The following SVEP1 variants were observed in gnomAD, a reference collection of about 807,000 sequenced individuals.
SVEP1 encodes the protein sushi, von Willebrand factor type A, EGF and pentraxin domain-containing protein 1.
In SVEP1, 164 loss-of-function variants were observed where a neutral mutation model predicts 367.3. That is an observed-to-expected ratio of 0.45 (90% CI 0.39 to 0.51). The LOEUF (loss-of-function observed/expected upper bound fraction) is 0.51. SVEP1 is among the 20% of genes least tolerant of loss of function. The probability of loss-of-function intolerance (pLI) is 0.00; values close to 1 mark genes in which losing one functional copy is unlikely to be tolerated. For synonymous variants in SVEP1, 1,666 were observed against 1,611.6 expected, an observed-to-expected ratio of 1.03 and a Z score of -0.81; for missense variants, 4,117 against 4,425.3, an observed-to-expected ratio of 0.93 and a Z score of 1.98.
chr9:110,384,334 G>A (rs1046789897), intron 43 of SVEP1, among the ~76,000 whole-genome samples: 4 of 151,942 alleles, frequency 2.6e-5, no homozygotes, highest in South Asian at 2.1e-4. Flanking sequence ...GCTTTTTCTC[G>A]CTTTCTGTGG....
chr9:110,394,686 C>G (rs144639631), intron 40 of SVEP1, among the ~76,000 whole-genome samples: 2 of 152,112 alleles, frequency 1.3e-5, no homozygotes, highest in African/African-American at 4.8e-5. Context: ...AACCAAGGCA[C>G]GAGAACTACG....
In SVEP1 at chr9:110,549,983, A is replaced by C; in HGVS notation, c.653T>G (p.Ile218Ser). ...AASLRDSGVE[I>S]FTFGIWQGNI... ...CCCTTGCCATATGCCAAAAGTGAAGATCTCCACTCCTGAATCTCGCAGTGA... is the reference window on the plus strand; with the variant it reads ...CCCTTGCCATATGCCAAAAGTGAAGCTCTCCACTCCTGAATCTCGCAGTGA... Residue 218 changes from isoleucine to serine, a missense_variant, in exon 2 of 48, where the codon ATC becomes AGC. Around this residue, in one of 4 missense-constraint regions of SVEP1, gnomAD observed 2,174 missense variants for 2,494.3 expected, o/e 0.87. Transcript: ENST00000374469. 1 of 1,614,018 alleles carries C rather than the reference A, an allele frequency of 6.2e-7. No individual in the cohort carries two copies. Among genetic ancestry groups the C allele is most frequent in the Non-Finnish European group, 8.5e-7 (1 of 1,179,902 alleles).
intron 1 of SVEP1, among the ~76,000 whole-genome samples, chr9:110,552,661 A>T (rs973766996): frequency 6.6e-6 from 1 of 151,940 alleles, no homozygotes; most frequent in Admixed American, 6.6e-5. Flanking sequence ...TCACGCTCCT[A>T]TGAGAATCTA....
chr9:110,513,932 A>G lies in SVEP1; in HGVS notation c.1123+16T>C. ...CAGCTTTTATATTTCCCATTTTCCA[A>G]CAGTGGGAGACTCACGTTCACAGGT... On this transcript the variant is annotated intron_variant, in intron 4 of 47. Coordinates refer to ENST00000374469, the MANE Select transcript of SVEP1 (RefSeq NM_153366.4). 6.2e-7 allele frequency: 1 copy of G among 1,602,838 alleles called. No homozygotes were observed. Among genetic ancestry groups the G allele is most frequent in the South Asian group, 1.1e-5 (1 of 89,570 alleles).
At chr9:110,459,798 T>C (rs182288393) in intron 18 of SVEP1, among the ~76,000 whole-genome samples, 1 of 152,152 alleles carries the variant, frequency 6.6e-6, no homozygotes, top group Non-Finnish European at 1.5e-5. Flanking sequence ...TTTTTTCCAA[T>C]TTGAGGGTGA....
In SVEP1 at chr9:110,455,666, T is replaced by A; in HGVS notation, c.3711A>T (p.Pro1237=). Residue 1237 remains proline (P), a synonymous_variant, in exon 22 of 48, where the codon CCA becomes CCT. Coordinates refer to ENST00000374469, the MANE Select transcript of SVEP1 (RefSeq NM_153366.4). Reference sequence around the variant, plus strand: ...AAACTCCATTGTTGAGGCAAGGCAGTGGGCTGCACTCATCGATGTCTGTTT... The same window carrying A: ...AAACTCCATTGTTGAGGCAAGGCAGAGGGCTGCACTCATCGATGTCTGTTT... ...KCETDIDECS[P]LPCLNNGVCK... 2 of 1,612,836 alleles carry A rather than the reference T, an allele frequency of 1.2e-6. No homozygotes were observed. The highest frequency in any genetic ancestry group is 2.2e-5 in the South Asian group (2 of 90,744).
intron 17 of SVEP1, 150 bp downstream of exon 17, chr9:110,468,790 T>C: frequency 2.9e-6 from 2 of 687,030 alleles, no homozygotes; most frequent in Non-Finnish European, 4.5e-6. Context: ...ATTGAATAAA[T>C]GTGTATGCTT....
intron 27 of SVEP1, among the ~76,000 whole-genome samples, chr9:110,441,893 T>A (rs1828514598): frequency 6.6e-6 from 1 of 152,206 alleles, no homozygotes; most frequent in African/African-American, 2.4e-5. Context: ...CTTCAGTAAC[T>A]CCCTATTGAT....
At chr9:110,426,344 A>G (rs993293090) in intron 36 of SVEP1, among the ~76,000 whole-genome samples, 12 of 152,202 alleles carry the variant, frequency 7.9e-5, no homozygotes, top group African/African-American at 2.7e-4. Context: ...TGCACCAATC[A>G]TCATAATAAT....
Position 110,482,481 on chromosome 9 carries a change from C to T in SVEP1, c.2050G>A (p.Val684Ile). Reference protein sequence around the residue: ...QFSDNSGAELVITRSHTQGDL... With the variant: ...QFSDNSGAELIITRSHTQGDL... ...CCTTGTGTATGACTTCTGGTAATGA[C>T]CAATTCAGCCCCTGGAAAGGAAAGA... is the stretch of plus-strand genomic sequence containing the variant. Residue 684 changes from valine to isoleucine, a missense_variant, in exon 11 of 48, where the codon GTC becomes ATC. Coordinates refer to ENST00000374469, the MANE Select transcript of SVEP1 (RefSeq NM_153366.4). The T allele has an allele frequency of 1.9e-6, 3 of 1,570,126 alleles. No homozygotes were observed. Among genetic ancestry groups the T allele is most frequent in the South Asian group, 2.3e-5 (2 of 85,932 alleles).
At chr9:110,430,597 A>C in intron 32 of SVEP1, 147 bp from the exon 33 acceptor site, 1 of 738,488 alleles carries the variant, frequency 1.4e-6, no homozygotes, top group Non-Finnish European at 2.2e-6. Context: ...GGGCCCAGAG[A>C]CACATTGGAC....
At chr9:110,374,426 G>A (rs1827319931) in intron 46 of SVEP1, among the ~76,000 whole-genome samples, 1 of 152,162 alleles carries the variant, frequency 6.6e-6, no homozygotes, top group Non-Finnish European at 1.5e-5. Context: ...AAGGTGGGTG[G>A]ATCACTTGAG....
chr9:110,386,791 A>G (rs1827530834), intron 42 of SVEP1, among the ~76,000 whole-genome samples: 1 of 152,240 alleles, frequency 6.6e-6, no homozygotes, highest in African/African-American at 2.4e-5. Context: ...TTACTACATT[A>G]TGATGATACT....
Position 110,389,534 on chromosome 9 carries a change from T to A in SVEP1, c.9876A>T (p.Ala3292=), listed in dbSNP as rs1482255266. Residue 3292 remains alanine (A), a synonymous_variant, in exon 41 of 48, where the codon GCA becomes GCT. Transcript: ENST00000374469. ...TGTCATTCAACTCACCTTTGCATAT[T>A]GCCACCCCTCCACTCCACTGTCTGT... ...QENRQWSGGV[A]ICKETRCETP... 2.1e-5 allele frequency: 34 copies of A among 1,613,668 alleles called. No individual in the cohort carries two copies. Among genetic ancestry groups the A allele is most frequent in the Non-Finnish European group, 2.8e-5 (33 of 1,179,804 alleles).
intron 3 of SVEP1, among the ~76,000 whole-genome samples, chr9:110,535,067 G>A (rs57940300): frequency 0.016 from 2,478 of 152,074 alleles, 69 homozygotes; most frequent in African/African-American, 0.054. Flanking sequence ...AATTGCTTTT[G>A]GTGTCTTGTC....
At chr9:110,384,902 GTTAA>G (rs1246992690) in intron 43 of SVEP1, among the ~76,000 whole-genome samples, 1 of 152,200 alleles carries the variant, frequency 6.6e-6, no homozygotes, top group Non-Finnish European at 1.5e-5. Flanking sequence ...CAATGAATAT[GTTAA>G]TTGATTACTG....
chr9:110,558,951 T>A (rs1181568766), intron 1 of SVEP1, among the ~76,000 whole-genome samples: 2 of 152,038 alleles, frequency 1.3e-5, no homozygotes, highest in Non-Finnish European at 2.9e-5. Context: ...ATTACCCCAA[T>A]TAAAAGGAAG....
At chr9:110,533,804 A>C (rs756069691) in intron 3 of SVEP1, among the ~76,000 whole-genome samples, 9 of 152,230 alleles carry the variant, frequency 5.9e-5, no homozygotes, top group Non-Finnish European at 1.2e-4. Flanking sequence ...TTTAGTGAAC[A>C]ATAACCCCAT....
Position 110,561,169 on chromosome 9 carries a change from G to A in SVEP1, c.532-11065C>T, listed in dbSNP as rs187643193. On this transcript the variant is annotated intron_variant, in intron 1 of 47. Coordinates refer to ENST00000374469, the MANE Select transcript of SVEP1 (RefSeq NM_153366.4). ...TTGGAGGTTCTGAAATACACCATGC[G>A]TTCTTGATGTTTGCTCTGCTTGGAA... 2.3e-3 allele frequency among the ~76,000 whole-genome samples: 349 copies of A among 152,136 alleles called. 1 individual carries two copies. Among genetic ancestry groups the A allele is most frequent in the Non-Finnish European group, 3.5e-3 (237 of 67,984 alleles).
Sources: allele counts gnomAD v4.1 joint callset (sites outside exome capture counted in the v4.1 genomes callset), GRCh38; gene constraint gnomAD v4.1.1; regional missense constraint gnomAD v4.1.1; transcripts MANE v1.5; gene names NCBI Gene and HGNC (gene_info 2026-07-23, HGNC 2026-07-21).